Variants in BICD2 observed in about 807,000 individuals in gnomAD.
The protein encoded by BICD2 is protein bicaudal D homolog 2.
In BICD2, 25 loss-of-function variants were observed where a neutral mutation model predicts 72.9. That is an observed-to-expected ratio of 0.34 (90% CI 0.25 to 0.48). The LOEUF is 0.48. Ranked by LOEUF, BICD2 falls within the 20% of genes least tolerant of loss-of-function variation. The pLI is 0.99. For synonymous variants in BICD2, 501 were observed against 516.1 expected (o/e 0.97, Z 0.40); for missense variants, 894 against 1,175.2 (o/e 0.76, Z 3.50).
chr9:92,759,869 CAAA>C (rs1292426232), intron 1 of BICD2, among the ~76,000 whole-genome samples: 4 of 152,194 alleles, frequency 2.6e-5, no homozygotes, highest in African/African-American at 7.2e-5. Flanking sequence ...CCAAAACTGA[CAAA>C]GAAGAAACTG....
At chr9:92,748,445 T>C (rs1193026732) in intron 1 of BICD2, among the ~76,000 whole-genome samples, 1 of 152,160 alleles carries the variant, frequency 6.6e-6, no homozygotes, top group African/African-American at 2.4e-5. Flanking sequence ...GTGTGGCCCC[T>C]GAGCTTTAGA....
chr9:92,744,657 T>C (rs1250200108), intron 1 of BICD2, among the ~76,000 whole-genome samples: 2 of 152,032 alleles, frequency 1.3e-5, no homozygotes, highest in African/African-American at 4.8e-5. Context: ...CTGGCTAACA[T>C]GGTGAAACCC....
In BICD2 at chr9:92,714,067, T is replaced by C. The variant is rs1041584856; in HGVS notation, c.*1087A>G. On this transcript the variant is annotated 3_prime_UTR_variant, in exon 7 of 7. Transcript: ENST00000356884. ...GAAATGGGAGAACCCTACAGCTACC[T>C]TTCCTCTTTCTCTGTTGCCATCCCC... The C allele has an allele frequency of 3.9e-5, 38 of 985,890 alleles. No homozygotes were observed. The highest frequency in any genetic ancestry group is 4.6e-5 in the Non-Finnish European group (38 of 830,338). 61.1% of individuals were successfully genotyped at this position (985,890 alleles called of 1,614,324 possible).
chr9:92,717,500 T>A (rs1361782715), intron 6 of BICD2, among the ~76,000 whole-genome samples: 1 of 152,248 alleles, frequency 6.6e-6, no homozygotes, highest in Non-Finnish European at 1.5e-5. Flanking sequence ...CAGCAACTGC[T>A]TGCGTGACCT....
rs1854452561 is a variant in BICD2 at position 92,764,825 on chromosome 9, C to CGCCGCA, written c.-82_-81insTGCGGC. The CGCCGCA allele has an allele frequency of 1.8e-6, 2 of 1,113,946 alleles. No homozygotes were observed. The highest frequency in any genetic ancestry group is 5.4e-5 in the Admixed American group (1 of 18,496). 69.0% of individuals were successfully genotyped at this position (1,113,946 alleles called of 1,614,324 possible). A position where few individuals can be genotyped will look rare whatever the true frequency, so the allele number is the denominator to read the frequency against. ...CAGCCGCCGCCGCTGCCGCCGCCGC[C>CGCCGCA]GCCGCCCTGCCCCGACGGCCGCCCG... On this transcript the variant is annotated 5_prime_UTR_variant, in exon 1 of 7. Coordinates refer to ENST00000356884, the MANE Select transcript of BICD2 (RefSeq NM_001003800.2). This position sits in a 1 kb window ranked among gnomAD's most constrained non-coding sequence, Gnocchi z 5.5.
rs768612898 is a variant in BICD2 at position 92,720,443 on chromosome 9, C to T, written c.919G>A (p.Gly307Ser). 23 of 1,614,040 alleles carry T rather than the reference C, an allele frequency of 1.4e-5. No homozygotes were observed. The Admixed American group carries it at 2.0e-4, about 14-fold the overall frequency. The change falls in exon 4 of 7, where the codon GGC (glycine) becomes AGC (serine). Residue 307 changes from glycine (G) to serine (S), a missense_variant. By Grantham distance (56) the Gly-to-Ser change is moderately conservative. Transcript: ENST00000356884. This position sits in a 1 kb window ranked among gnomAD's most constrained non-coding sequence, Gnocchi z 5.4. ...EALVNGFEHG[G>S]LAKLPLDNKT... ...TTGTCCAGTGGCAGCTTGGCCAGGC[C>T]GCCGTGCTCAAAGCCATTGACCAGG...
chr9:92,720,582 C>T lies in BICD2; in HGVS notation c.780G>A (p.Glu260=). 1 of 1,614,194 alleles carries T rather than the reference C, an allele frequency of 6.2e-7. No homozygotes were observed. Among genetic ancestry groups the T allele is most frequent in the South Asian group, 1.1e-5 (1 of 91,078 alleles). ...EREQKNSLRK[E]LSHYMSINDS... is the part of the protein sequence containing the mutation. ...CATTGATGCTCATGTAGTGTGACAGCTCCTTGCGCAGGCTGTTCTTCTGTT... is the reference window on the plus strand; with the variant it reads ...CATTGATGCTCATGTAGTGTGACAGTTCCTTGCGCAGGCTGTTCTTCTGTT... Residue 260 remains glutamate (E), a synonymous_variant, in exon 4 of 7, where the codon GAG becomes GAA. Transcript: ENST00000356884. This position sits in a 1 kb window ranked among gnomAD's most constrained non-coding sequence, Gnocchi z 5.4.
chr9:92,726,379 A>T (rs1853567981), intron 2 of BICD2, among the ~76,000 whole-genome samples: 1 of 152,152 alleles, frequency 6.6e-6, no homozygotes, highest in Non-Finnish European at 1.5e-5. Flanking sequence ...TGTGGGTAGC[A>T]GGGTGGTGGG....
Position 92,715,090 on chromosome 9 carries a change from C to T in BICD2, c.*64G>A, listed in dbSNP as rs1853274591. The T allele has an allele frequency of 2.0e-5, 31 of 1,520,628 alleles. No individual in the cohort carries two copies. The South Asian group carries it at 3.2e-4, about 16-fold the overall frequency. 94.2% of individuals were successfully genotyped at this position (1,520,628 alleles called of 1,614,324 possible). A position where few individuals can be genotyped will look rare whatever the true frequency, so the allele number is the denominator to read the frequency against. ...TAAGATTGACCTAGCACCGCCGTCC[C>T]GCTGCTGCTGGGTTAGTTGAGGTGA... On this transcript the variant is annotated 3_prime_UTR_variant, in exon 7 of 7. Transcript: ENST00000356884.
Position 92,713,284 on chromosome 9 carries a change from C to G in BICD2, c.*1870G>C. The G allele has an allele frequency of 2.7e-6, 2 of 729,774 alleles. No individual in the cohort carries two copies. The highest frequency in any genetic ancestry group is 4.5e-6 in the Non-Finnish European group (2 of 442,884). The allele number at this position is 729,774 out of a possible 1,614,324, so 45.2% of individuals were successfully genotyped here. ...GCTCAACATTAAAGCTTTTTTTCCT[C>G]CCATTAAAAACCTGGGGAATGCTAT... On this transcript the variant is annotated 3_prime_UTR_variant, in exon 7 of 7. Coordinates refer to ENST00000356884, the MANE Select transcript of BICD2 (RefSeq NM_001003800.2).
At chr9:92,721,961 G>A (rs907806709) in intron 3 of BICD2, among the ~76,000 whole-genome samples, 1 of 152,236 alleles carries the variant, frequency 6.6e-6, no homozygotes, top group Non-Finnish European at 1.5e-5. Context: ...GAGACTCAGA[G>A]GATTTTGGTG....
At chr9:92,760,610 T>C (rs1413592785) in intron 1 of BICD2, among the ~76,000 whole-genome samples, 2 of 152,106 alleles carry the variant, frequency 1.3e-5, no homozygotes, top group South Asian at 2.1e-4. Flanking sequence ...GGGGAGAGAA[T>C]TGCCCAACAA....
At chr9:92,751,742 T>G (rs907871750) in intron 1 of BICD2, among the ~76,000 whole-genome samples, 3 of 151,988 alleles carry the variant, frequency 2.0e-5, no homozygotes, top group African/African-American at 7.2e-5. Flanking sequence ...CATGGTTAAC[T>G]AAATATACAT....
chr9:92,727,422 G>A (rs1449372497), intron 2 of BICD2, among the ~76,000 whole-genome samples: 3 of 152,184 alleles, frequency 2.0e-5, no homozygotes, highest in Non-Finnish European at 2.9e-5. Context: ...AGAGACTGCC[G>A]GTTTACAGAT....
chr9:92,733,840 G>A (rs907550855), intron 1 of BICD2, among the ~76,000 whole-genome samples: 11 of 152,076 alleles, frequency 7.2e-5, no homozygotes, highest in South Asian at 2.1e-4. Flanking sequence ...GGCGGCGGGC[G>A]CCCGTAGTCC....
chr9:92,737,445 ATT>A (rs1853811442), intron 1 of BICD2, among the ~76,000 whole-genome samples: 1 of 152,110 alleles, frequency 6.6e-6, no homozygotes. Context: ...GGTTGAGGCT[ATT>A]GTCAATGGAC....
chr9:92,738,236 G>C (rs1414637830), intron 1 of BICD2, among the ~76,000 whole-genome samples: 2 of 152,242 alleles, frequency 1.3e-5, no homozygotes, highest in African/African-American at 2.4e-5. Context: ...TGCTTAGGCA[G>C]CATGGGCACC....
chr9:92,755,294 A>AT (rs1241919426), intron 1 of BICD2, among the ~76,000 whole-genome samples: 1 of 152,232 alleles, frequency 6.6e-6, no homozygotes, highest in Non-Finnish European at 1.5e-5. Flanking sequence ...GATGTTATCA[A>AT]TAACAATGGT....
chr9:92,757,133 G>C (rs1462741946), intron 1 of BICD2, among the ~76,000 whole-genome samples: 1 of 151,830 alleles, frequency 6.6e-6, no homozygotes, highest in Non-Finnish European at 1.5e-5. Context: ...GGGCAACATG[G>C]TGAAACCCCG....
Sources: gnomAD v4.1 joint callset for allele counts (sites outside exome capture counted in the v4.1 genomes callset) on GRCh38, gnomAD v4.1.1 for gene constraint, Gnocchi (gnomAD v3.1) non-coding constraint, MANE v1.5 for transcripts, NCBI Gene and HGNC (gene_info 2026-07-23, HGNC 2026-07-21) for gene names.